The following PAN3 variants were observed in gnomAD, a reference collection of about 807,000 sequenced individuals.
PAN3 encodes poly(A) specific ribonuclease subunit PAN3, also known as PAN2-PAN3 deadenylation complex subunit PAN3.
In PAN3, 19 loss-of-function variants were observed where a neutral mutation model predicts 96.2. That is an observed-to-expected ratio of 0.20 (90% CI 0.14 to 0.29). The LOEUF is 0.29. Ranked by LOEUF, PAN3 falls within the 10% of genes least tolerant of loss-of-function variation. The pLI is 1.00. For missense variants in PAN3, 882 were observed against 1,108.1 expected (o/e 0.80, Z 2.90); for synonymous variants, 433 against 406.6 (o/e 1.06, Z -0.78).
intron 12 of PAN3, 59 bp downstream of exon 12, chr13:28,267,460 T>G (rs1286877568): frequency 3.7e-6 from 5 of 1,342,422 alleles, no homozygotes; most frequent in Non-Finnish European, 4.2e-6. Context: ...TGTGGAAGAG[T>G]AGTTTTCTAT....
chr13:28,204,784 T>G (rs1299102263), intron 5 of PAN3, among the ~76,000 whole-genome samples: 1 of 152,228 alleles, frequency 6.6e-6, no homozygotes, highest in African/African-American at 2.4e-5. Flanking sequence ...TAGTGATACA[T>G]TAAATAAAAT....
intron 1 of PAN3, among the ~76,000 whole-genome samples, chr13:28,166,832 G>C (rs984420678): frequency 4.6e-5 from 7 of 152,144 alleles, no homozygotes; most frequent in Admixed American, 2.0e-4. Context: ...AGCCACAGTG[G>C]GGGTAGTCAG....
At chr13:28,280,650 C>T (rs1278647551) in intron 16 of PAN3, 109 bp downstream of exon 16, 2 of 1,040,392 alleles carry the variant, frequency 1.9e-6, no homozygotes, top group Non-Finnish European at 2.7e-6. Context: ...TAACCTCTGC[C>T]TCCTGGGTTC....
intron 6 of PAN3, among the ~76,000 whole-genome samples, chr13:28,256,005 T>C (rs1031199589): frequency 1.3e-5 from 2 of 152,144 alleles, no homozygotes; most frequent in East Asian, 3.9e-4. Flanking sequence ...TTTTGGTCAC[T>C]CTTGCTATTA....
At chr13:28,163,181 TACAAAAAATA>T (rs1873101059) in intron 1 of PAN3, among the ~76,000 whole-genome samples, 1 of 151,832 alleles carries the variant, frequency 6.6e-6, no homozygotes, top group Non-Finnish European at 1.5e-5. Context: ...ACCCTGTCTC[TACAAAAAATA>T]ATAAAAAATA....
intron 1 of PAN3, among the ~76,000 whole-genome samples, chr13:28,141,600 T>A (rs951313877): frequency 2.0e-4 from 30 of 151,352 alleles, no homozygotes; most frequent in Non-Finnish European, 2.4e-4. Flanking sequence ...CCCTAGTAGC[T>A]GGGATTACAG....
rs45441791 is a variant in PAN3 at position 28,175,393 on chromosome 13, G to A, written c.552+1000G>A. Among the ~76,000 whole-genome samples the A allele has an allele frequency of 9.8e-3, 1,485 of 152,218 alleles. 17 individuals are homozygous for A. The highest frequency in any genetic ancestry group is 0.034 in the African/African-American group (1,419 of 41,542). ...GCCTCCTGAGTAGGTAGGACTACAG[G>A]TGTGTGCCACCATGCCTGGCTAATA... is the stretch of plus-strand genomic sequence containing the variant. On this transcript the variant is annotated intron_variant, in intron 2 of 18. Transcript: ENST00000380958.
chr13:28,228,124 G>A (rs1882193511), intron 6 of PAN3, among the ~76,000 whole-genome samples: 1 of 152,174 alleles, frequency 6.6e-6, no homozygotes, highest in Admixed American at 6.5e-5. Context: ...CTACTCAGTG[G>A]AGAAGATAGT....
At chr13:28,159,083 G>C (rs1352547007) in intron 1 of PAN3, among the ~76,000 whole-genome samples, 1 of 152,132 alleles carries the variant, frequency 6.6e-6, no homozygotes, top group Non-Finnish European at 1.5e-5. Flanking sequence ...ATTACCATTT[G>C]ACCCAGCAAT....
intron 4 of PAN3, 93 bp from the exon 5 acceptor site, chr13:28,197,092 C>T (rs1013039141): frequency 9.4e-6 from 13 of 1,384,742 alleles, no homozygotes; most frequent in Admixed American, 2.9e-5. Context: ...CCTATCCCAC[C>T]GTTCCCAGTA....
intron 4 of PAN3, among the ~76,000 whole-genome samples, chr13:28,194,456 A>ATATG (rs1253603737): frequency 9.9e-6 from 1 of 100,970 alleles, no homozygotes; most frequent in African/African-American, 5.2e-5. Context: ...GTATGTATAT[A>ATATG]TATATATATA....
intron 7 of PAN3, among the ~76,000 whole-genome samples, chr13:28,257,559 A>G (rs113935572): frequency 1.4e-3 from 210 of 150,990 alleles, no homozygotes; most frequent in African/African-American, 4.9e-3. Context: ...TCTCATTACC[A>G]TCTGAGCTCC....
chr13:28,235,822 C>G (rs1883048394), intron 6 of PAN3, among the ~76,000 whole-genome samples: 1 of 151,630 alleles, frequency 6.6e-6, no homozygotes, highest in African/African-American at 2.4e-5. Context: ...TCCTGGGCTC[C>G]TGTCTCACCC....
At chr13:28,237,005 T>C (rs533503068) in intron 6 of PAN3, among the ~76,000 whole-genome samples, 17 of 152,212 alleles carry the variant, frequency 1.1e-4, no homozygotes, top group Non-Finnish European at 2.5e-4. Flanking sequence ...ATGGATTCTT[T>C]TGTTTTACAG....
intron 6 of PAN3, chr13:28,239,756 A>T: frequency 5.0e-6 from 5 of 990,706 alleles, no homozygotes; most frequent in Non-Finnish European, 7.0e-6. Flanking sequence ...CCCTAATCAT[A>T]AGGGGTTGCT....
chr13:28,282,595 G>A (rs188235929), intron 17 of PAN3, among the ~76,000 whole-genome samples: 8 of 151,968 alleles, frequency 5.3e-5, no homozygotes, highest in Non-Finnish European at 8.8e-5. Context: ...ACACGTGCAC[G>A]CACGTGCACA....
intron 1 of PAN3, among the ~76,000 whole-genome samples, chr13:28,141,357 A>G (rs1869779260): frequency 6.6e-6 from 1 of 151,710 alleles, no homozygotes; most frequent in Admixed American, 6.6e-5. Context: ...TGATCTTTCT[A>G]GGATTCTCTT....
chr13:28,174,729 A>G (rs1874740839), intron 2 of PAN3, among the ~76,000 whole-genome samples: 1 of 152,230 alleles, frequency 6.6e-6, no homozygotes, highest in South Asian at 2.1e-4. Context: ...CATGTATTAT[A>G]AAAGTTAAGT....
chr13:28,259,065 T>C (rs1028578738), intron 7 of PAN3, among the ~76,000 whole-genome samples: 1 of 152,176 alleles, frequency 6.6e-6, no homozygotes, highest in African/African-American at 2.4e-5. Flanking sequence ...TCCAAAGAGC[T>C]ACTTTTATCT....
Sources: gnomAD v4.1 joint callset for allele counts (sites outside exome capture counted in the v4.1 genomes callset) on GRCh38, gnomAD v4.1.1 for gene constraint, MANE v1.5 for transcripts, NCBI Gene and HGNC (gene_info 2026-07-23, HGNC 2026-07-21) for gene names.